Variants in MUCL3 observed in about 807,000 individuals in gnomAD.
MUCL3 encodes mucin like 3.
In MUCL3, 42 loss-of-function variants were observed where a neutral mutation model predicts 70.2. That is an observed-to-expected ratio of 0.60 (90% CI 0.47 to 0.77). MUCL3 has a LOEUF of 0.77. Among genes scored for constraint, MUCL3 ranks in the 30% least tolerant of loss-of-function variants. MUCL3 has a pLI of 0.00. For synonymous variants in MUCL3, 522 were observed against 647.0 expected (o/e 0.81, Z 2.93); for missense variants, 1,429 against 1,670.0 (o/e 0.86, Z 2.52).
In MUCL3 at chr6:30,949,136, T is replaced by C; in HGVS notation, c.672T>C (p.Ser224=). ...CACAGACCAAGCAAAAAAGCACATC[T>C]TTTCCAGAAAAAATCACAGCAGCCT... is the stretch of plus-strand genomic sequence containing the variant. ...GNSQTKQKST[S]FPEKITAASK... Residue 224 remains serine (S), a synonymous_variant, in exon 2 of 3, where the codon TCT becomes TCC. Transcript: ENST00000462446. 6.4e-7 allele frequency: 1 copy of C among 1,551,296 alleles called. No individual in the cohort carries two copies. Among genetic ancestry groups the C allele is most frequent in the Non-Finnish European group, 8.7e-7 (1 of 1,146,912 alleles).
In MUCL3 at chr6:30,953,381, G is replaced by A; in HGVS notation, c.*264G>A. 1 of 552,618 alleles carries A rather than the reference G, an allele frequency of 1.8e-6. No homozygotes were observed. The highest frequency in any genetic ancestry group is 3.2e-6 in the Non-Finnish European group (1 of 313,918). 34.2% of individuals were successfully genotyped at this position (552,618 alleles called of 1,614,324 possible). ...GAAGGTAATGGTCTGAGAATGAAAA[G>A]GTGTTTGATGGACATGTTGTGGGGG... On this transcript the variant is annotated 3_prime_UTR_variant, in exon 3 of 3. Transcript: ENST00000462446.
At chr6:30,943,221 A>T (rs1795650481) in intron 1 of MUCL3, among the ~76,000 whole-genome samples, 1 of 152,228 alleles carries the variant, frequency 6.6e-6, no homozygotes, top group Admixed American at 6.5e-5. Context: ...GGAACCCCAG[A>T]GTCTGCATCA....
At chr6:30,944,681 A>G (rs1795716947) in intron 1 of MUCL3, among the ~76,000 whole-genome samples, 2 of 152,208 alleles carry the variant, frequency 1.3e-5, no homozygotes, top group Non-Finnish European at 2.9e-5. Context: ...ATCCCAGCTG[A>G]GCATCCACCT....
chr6:30,950,908 C>T lies in MUCL3; in HGVS notation c.2444C>T (p.Thr815Ile), dbSNP rs1760638707. 6.4e-7 allele frequency: 1 copy of T among 1,551,220 alleles called. No homozygotes were observed. The highest frequency in any genetic ancestry group is 1.2e-5 in the South Asian group (1 of 84,022). ...AERTPLANEN[T>I]TSSPAEPTEN... ...AGGACTCCACTGGCCAATGAGAACACCACATCATCCCCAGCAGAGCCTACA... is the reference window on the plus strand; with the variant it reads ...AGGACTCCACTGGCCAATGAGAACATCACATCATCCCCAGCAGAGCCTACA... The change falls in exon 2 of 3, where the codon ACC (threonine) becomes ATC (isoleucine). Residue 815 changes from threonine (T) to isoleucine (I), a missense_variant. Thr to Ile is a moderately conservative substitution (Grantham distance 89). Transcript: ENST00000462446.
Position 30,948,931 on chromosome 6 carries a change from A to C in MUCL3, c.467A>C (p.Lys156Thr). 6.4e-7 allele frequency: 1 copy of C among 1,550,554 alleles called. No homozygotes were observed. The highest frequency in any genetic ancestry group is 8.7e-7 in the Non-Finnish European group (1 of 1,146,738). Residue 156 changes from lysine to threonine, a missense_variant, in exon 2 of 3, where the codon AAA (lysine) becomes ACA (threonine). By Grantham distance (78) the Lys-to-Thr change is moderately conservative. Coordinates refer to ENST00000462446, the MANE Select transcript of MUCL3 (RefSeq NM_080870.4). ...TTTHKESAGK[K>T]HITPAPKSKI... ...ACACATAAAGAATCCGCTGGAAAAA[A>C]ACATATAACGCCAGCACCCAAGAGC...
rs1166968252 is a variant in MUCL3, at chr6:30,949,951, C to A, written c.1487C>A (p.Ala496Glu). The A allele has an allele frequency of 7.7e-6, 12 of 1,551,406 alleles. No homozygotes were observed. In the African/African-American group the frequency reaches 9.6e-5, roughly 12 times the overall value. The change falls in exon 2 of 3, where the codon GCA (alanine) becomes GAA (glutamate). Residue 496 changes from alanine (A) to glutamate (E), a missense_variant. By Grantham distance (107) the Ala-to-Glu change is moderately radical (BLOSUM62 -1). Coordinates refer to ENST00000462446, the MANE Select transcript of MUCL3 (RefSeq NM_080870.4). ...TANEKTTPSP[A>E]EPTENGQRTP... ...AATGAGAAGACCACACCATCCCCAG[C>A]AGAGCCTACAGAAAATGGACAAAGG...
intron 1 of MUCL3, among the ~76,000 whole-genome samples, chr6:30,941,460 T>TTC (rs1795573353): frequency 4.6e-5 from 2 of 43,544 alleles, no homozygotes; most frequent in African/African-American, 9.2e-5. Flanking sequence ...TCTTCTTCTT[T>TTC]TTTTTTTTTT....
At position 30,949,654 on chromosome 6, in the gene MUCL3, C is replaced by A. The variant is rs1205513457; in HGVS notation, c.1190C>A (p.Ala397Glu). ...TANENTTPSP[A>E]EPTEHGERTP... ...AATGAGAACACTACACCATCCCCAG[C>A]AGAGCCTACAGAACATGGAGAAAGG... Residue 397 changes from alanine to glutamate, a missense_variant, in exon 2 of 3, where the codon GCA becomes GAA. By Grantham distance (107) the Ala-to-Glu change is moderately radical. Coordinates refer to ENST00000462446, the MANE Select transcript of MUCL3 (RefSeq NM_080870.4). 1.3e-6 allele frequency: 2 copies of A among 1,548,844 alleles called. No individual in the cohort carries two copies. The highest frequency in any genetic ancestry group is 1.7e-6 in the Non-Finnish European group (2 of 1,145,278).
At chr6:30,946,775 T>C (rs3130781) in intron 1 of MUCL3, among the ~76,000 whole-genome samples, 26,618 of 152,180 alleles carry the variant, frequency 0.17, 2,554 homozygotes, top group African/African-American at 0.21. Context: ...CCAGGATGTG[T>C]GTTCAGATTC....
At position 30,949,944 on chromosome 6, in the gene MUCL3, T is replaced by C; in HGVS notation, c.1480T>C (p.Ser494Pro). 1.3e-6 allele frequency: 2 copies of C among 1,545,048 alleles called. No individual in the cohort carries two copies. Among genetic ancestry groups the C allele is most frequent in the Admixed American group, 2.0e-5 (1 of 49,964 alleles). ...ETTANEKTTP[S>P]PAEPTENGQR... Reference sequence around the variant, plus strand: ...AACAGCCAATGAGAAGACCACACCATCCCCAGCAGAGCCTACAGAAAATGG... The same window carrying C: ...AACAGCCAATGAGAAGACCACACCACCCCCAGCAGAGCCTACAGAAAATGG... Residue 494 changes from serine (S) to proline (P), a missense_variant, in exon 2 of 3, where the codon TCC becomes CCC. Ser to Pro is a moderately conservative substitution (Grantham distance 74, BLOSUM62 -1). Transcript: ENST00000462446.
chr6:30,952,321 C>A lies in MUCL3; in HGVS notation c.3857C>A (p.Ser1286Tyr). The A allele has an allele frequency of 6.2e-7, 1 of 1,614,142 alleles. No homozygotes were observed. Among genetic ancestry groups the A allele is most frequent in the East Asian group, 2.2e-5 (1 of 44,890 alleles). The change falls in exon 2 of 3, where the codon TCT becomes TAT. Residue 1286 changes from serine (S) to tyrosine (Y), a missense_variant. By Grantham distance (144) the Ser-to-Tyr change is moderately radical. Transcript: ENST00000462446. ...TLITSRTKLS[S>Y]ITSEATGNES... ...ATTACATCTAGAACGAAGCTGAGTT[C>A]TATCACATCAGAAGCCACAGGAAAC...
rs1428036628 is a variant in MUCL3 at position 30,949,506 on chromosome 6, A to C, written c.1042A>C (p.Met348Leu). 6.4e-7 allele frequency: 1 copy of C among 1,550,606 alleles called. No homozygotes were observed. Among genetic ancestry groups the C allele is most frequent in the South Asian group, 1.2e-5 (1 of 83,930 alleles). The change falls in exon 2 of 3, where the codon ATG (methionine) becomes CTG (leucine). Residue 348 changes from methionine to leucine, a missense_variant. Met to Leu is a conservative substitution (Grantham distance 15). Coordinates refer to ENST00000462446, the MANE Select transcript of MUCL3 (RefSeq NM_080870.4). ...AGCAGGGCCTACAGAAAATAGAGAA[A>C]TGACAGCCAATGAGAATACCACACT... ...FPAGPTENRE[M>L]TANENTTLFP...
In MUCL3 at chr6:30,953,181, G is replaced by T; in HGVS notation, c.*64G>T. On this transcript the variant is annotated 3_prime_UTR_variant, in exon 3 of 3. Coordinates refer to ENST00000462446, the MANE Select transcript of MUCL3 (RefSeq NM_080870.4). The stretch of plus-strand genomic sequence containing the variant: ...TGCCCCTTTCCTGGATGAGGAACCG[G>T]ACTCACAATTTCTATTTCCGGGACT... 2 of 1,579,160 alleles carry T rather than the reference G, an allele frequency of 1.3e-6. No homozygotes were observed. The highest frequency in any genetic ancestry group is 3.6e-5 in the Admixed American group (2 of 55,766).
At chr6:30,945,557 G>T (rs1335760270) in intron 1 of MUCL3, among the ~76,000 whole-genome samples, 2 of 151,778 alleles carry the variant, frequency 1.3e-5, no homozygotes, top group African/African-American at 4.8e-5. Context: ...TGAGGTGGGG[G>T]TACTGCTTGA....
At chr6:30,952,849 G>A in intron 2 of MUCL3, 122 bp from the exon 3 acceptor site, 1 of 1,350,548 alleles carries the variant, frequency 7.4e-7, no homozygotes, top group Admixed American at 2.4e-5. Flanking sequence ...TATTGGACCT[G>A]GAGCTGGAAT....
At position 30,949,252 on chromosome 6, in the gene MUCL3, C is replaced by A. The variant is rs1562489648; in HGVS notation, c.788C>A (p.Thr263Lys). The part of the protein sequence containing the change: ...RTTVASDKLL[T>K]KTTKNIQETI... ...ACAGTTGCCTCAGACAAGCTCCTGA[C>A]AAAAACTACAAAAAACATACAAGAG... The change falls in exon 2 of 3, where the codon ACA (threonine) becomes AAA (lysine). Residue 263 changes from threonine to lysine, a missense_variant. Coordinates refer to ENST00000462446, the MANE Select transcript of MUCL3 (RefSeq NM_080870.4). 3.9e-6 allele frequency: 6 copies of A among 1,549,246 alleles called. No individual in the cohort carries two copies. Among genetic ancestry groups the A allele is most frequent in the Non-Finnish European group, 5.2e-6 (6 of 1,146,486 alleles).
At position 30,949,980 on chromosome 6, in the gene MUCL3, C is replaced by T. The variant is rs1760544914; in HGVS notation, c.1516C>T (p.Pro506Ser). ...AEPTENGQRT[P>S]FANEKTTSSS... ...GCCTACAGAAAATGGACAAAGGACCCCATTTGCCAATGAGAAAACCACATC... is the reference window on the plus strand; with the variant it reads ...GCCTACAGAAAATGGACAAAGGACCTCATTTGCCAATGAGAAAACCACATC... The change falls in exon 2 of 3, where the codon CCA becomes TCA. Residue 506 changes from proline to serine, a missense_variant. Physicochemically the swap from Pro to Ser is moderately conservative, Grantham distance 74. Transcript: ENST00000462446. The T allele has an allele frequency of 5.2e-6, 8 of 1,545,124 alleles. No individual in the cohort carries two copies. Among genetic ancestry groups the T allele is most frequent in the African/African-American group, 4.2e-5 (3 of 70,602 alleles).
At chr6:30,948,332 A>G (rs1760402700) in intron 1 of MUCL3, among the ~76,000 whole-genome samples, 1 of 152,158 alleles carries the variant, frequency 6.6e-6, no homozygotes, top group Non-Finnish European at 1.5e-5. Context: ...AGTTGAGGAG[A>G]TGTGGAAGGG....
chr6:30,949,275 G>C lies in MUCL3; in HGVS notation c.811G>C (p.Glu271Gln). The C allele has an allele frequency of 1.3e-6, 2 of 1,551,190 alleles. No homozygotes were observed. The highest frequency in any genetic ancestry group is 1.7e-6 in the Non-Finnish European group (2 of 1,146,914). The stretch of plus-strand genomic sequence containing the variant: ...GACAAAAACTACAAAAAACATACAA[G>C]AGACCATATCAGCCAATGAGCTCAC... ...LLTKTTKNIQETISANELTQS... is the reference protein window; with the variant it reads ...LLTKTTKNIQQTISANELTQS... Residue 271 changes from glutamate to glutamine, a missense_variant, in exon 2 of 3, where the codon GAG (glutamate) becomes CAG (glutamine). Coordinates refer to ENST00000462446, the MANE Select transcript of MUCL3 (RefSeq NM_080870.4).
Sources: allele counts gnomAD v4.1 joint callset (sites outside exome capture counted in the v4.1 genomes callset), GRCh38; gene constraint gnomAD v4.1.1; transcripts MANE v1.5; gene names NCBI Gene and HGNC (gene_info 2026-07-23, HGNC 2026-07-21).